The following ADH6 variants were observed in gnomAD, a reference collection of about 807,000 sequenced individuals.
ADH6 encodes the protein alcohol dehydrogenase 6 (class V), also known as alcohol dehydrogenase 6.
Under a neutral mutation model 36.5 loss-of-function variants are expected in ADH6, and 34 were observed. The ratio of observed to expected loss-of-function variants is 0.93; its 90% CI spans 0.71 to 1.24. The LOEUF (loss-of-function observed/expected upper bound fraction) is 1.24, where lower values mean the gene tolerates loss of function less well. Among genes scored for constraint, ADH6 ranks in the 50% most tolerant of loss-of-function variants. ADH6 has a pLI of 0.00. For missense variants in ADH6, 440 were observed against 447.0 expected (o/e 0.98, Z 0.14); for synonymous variants, 161 against 155.5 (o/e 1.04, Z -0.26).
Position 99,204,262 on chromosome 4 carries a change from G to T in ADH6, c.1104-19C>A. 1 of 1,596,872 alleles carries T rather than the reference G, an allele frequency of 6.3e-7. No homozygotes were observed. The highest frequency in any genetic ancestry group is 8.5e-7 in the Non-Finnish European group (1 of 1,177,660). On this transcript the variant is annotated intron_variant, in intron 8 of 8. Coordinates refer to ENST00000394899, the MANE Select transcript of ADH6 (RefSeq NM_001102470.2). ...GCGGATACTGAAAAAAAGAAGAAGA[G>T]AAAAAAGGTTGGAACATTTTTAGAG...
At chr4:99,204,872 C>A in intron 8 of ADH6, 53 bp downstream of exon 8, 1 of 1,555,394 alleles carries the variant, frequency 6.4e-7, no homozygotes, top group Non-Finnish European at 8.7e-7. Context: ...AGCCAATACA[C>A]CCTTTCTCTT....
chr4:99,206,351 A>AGAGT (rs1731034091), intron 7 of ADH6, among the ~76,000 whole-genome samples: 1 of 152,116 alleles, frequency 6.6e-6, no homozygotes, highest in Non-Finnish European at 1.5e-5. Context: ...TATGAGTGCT[A>AGAGT]GAGTGGCCAG....
In ADH6 at chr4:99,204,587, TGAAC is replaced by T. The variant is rs1730953391; in HGVS notation, c.1103+334_1103+337del. On this transcript the variant is annotated intron_variant, in intron 8 of 8. Coordinates refer to ENST00000394899, the MANE Select transcript of ADH6 (RefSeq NM_001102470.2). Reference sequence around the variant, plus strand: ...AACAAATACAACAATGGCCTATTTGTGAACTACCTTCTTATGTTTTTAAACTTGA... The same window carrying T: ...AACAAATACAACAATGGCCTATTTGTTACCTTCTTATGTTTTTAAACTTGA... 5.1e-6 allele frequency: 6 copies of T among 1,185,668 alleles called. No homozygotes were observed. The African/African-American group carries it at 9.5e-5, about 19-fold the overall frequency. 73.4% of individuals were successfully genotyped at this position (1,185,668 alleles called of 1,614,324 possible).
chr4:99,217,525 C>T (rs1422407922), intron 1 of ADH6, among the ~76,000 whole-genome samples: 1 of 152,122 alleles, frequency 6.6e-6, no homozygotes, highest in Non-Finnish European at 1.5e-5. Context: ...CAGTTCTATC[C>T]CTGTTGCTGC....
intron 3 of ADH6, among the ~76,000 whole-genome samples, chr4:99,211,158 AT>A (rs1410990524): frequency 1.3e-5 from 2 of 152,022 alleles, no homozygotes; most frequent in Admixed American, 1.3e-4. Context: ...ATTTATTTTT[AT>A]TTTTTTAAAA....
At chr4:99,217,048 G>A (rs565011576) in intron 1 of ADH6, among the ~76,000 whole-genome samples, 21 of 151,848 alleles carry the variant, frequency 1.4e-4, no homozygotes, top group Non-Finnish European at 2.8e-4. Flanking sequence ...TTTTGTTTTT[G>A]TTTTTGAGAT....
In ADH6 at chr4:99,202,817, G is replaced by C; in HGVS notation, c.*1402C>G. On this transcript the variant is annotated 3_prime_UTR_variant, in exon 9 of 9. Transcript: ENST00000394899. ...TTAGCTGCTGTCAGGAAATAGAAGA[G>C]CAGAGCAGAGTTGGGCATGGAGGCT... is the stretch of plus-strand genomic sequence containing the variant. 1 of 398,066 alleles carries C rather than the reference G, an allele frequency of 2.5e-6. No homozygotes were observed. Among genetic ancestry groups the C allele is most frequent in the Non-Finnish European group, 4.4e-6 (1 of 225,648 alleles). 24.7% of individuals were successfully genotyped at this position (398,066 alleles called of 1,614,324 possible).
At chr4:99,209,648 T>G (rs576832114) in intron 5 of ADH6, among the ~76,000 whole-genome samples, 1 of 152,282 alleles carries the variant, frequency 6.6e-6, no homozygotes, top group Non-Finnish European at 1.5e-5. Flanking sequence ...TTCTTTTTAT[T>G]AGCATTTATC....
chr4:99,213,484 A>G (rs1731296742), intron 3 of ADH6, 122 bp downstream of exon 3: 1 of 895,118 alleles, frequency 1.1e-6, no homozygotes, highest in Non-Finnish European at 1.6e-6. Context: ...TACTTTTCTA[A>G]GAAGTTGGAA....
At chr4:99,204,420 G>T in intron 8 of ADH6, 177 bp from the exon 9 acceptor site, 1 of 1,406,356 alleles carries the variant, frequency 7.1e-7, no homozygotes. Flanking sequence ...AAACTCCAAG[G>T]GTAAAAAGTA....
chr4:99,211,427 T>G (rs1731222297), intron 3 of ADH6, among the ~76,000 whole-genome samples: 1 of 152,158 alleles, frequency 6.6e-6, no homozygotes, highest in African/African-American at 2.4e-5. Flanking sequence ...CCATGAACAC[T>G]GATAGATATT....
chr4:99,209,175 C>G (rs912187281), intron 5 of ADH6, among the ~76,000 whole-genome samples: 1 of 152,142 alleles, frequency 6.6e-6, no homozygotes. Context: ...AGGAATTAGT[C>G]TGAGTAGTAG....
chr4:99,219,221 A>G lies in ADH6; in HGVS notation c.-69T>C. ...TCCTGTAGCAACTTTCACTGTAGAA[A>G]GTACAAAGGTACACAGGCGACTGGT... On this transcript the variant is annotated 5_prime_UTR_variant, in exon 1 of 9. Transcript: ENST00000394899. 1 of 1,449,944 alleles carries G rather than the reference A, an allele frequency of 6.9e-7. No homozygotes were observed. Among genetic ancestry groups the G allele is most frequent in the Admixed American group, 1.7e-5 (1 of 59,508 alleles). 89.8% of individuals were successfully genotyped at this position (1,449,944 alleles called of 1,614,324 possible).
At chr4:99,213,533 A>C in intron 3 of ADH6, 73 bp downstream of exon 3, 1 of 1,384,400 alleles carries the variant, frequency 7.2e-7, no homozygotes, top group Non-Finnish European at 9.6e-7. Flanking sequence ...TGACATACTT[A>C]AGGGGTGCTT....
chr4:99,204,190 CT>C lies in ADH6; in HGVS notation c.*28del. Reference sequence around the variant, plus strand: ...AATGCCATTGAGTTGGTGAAATATCCTTTGGGTCTTGCATGTATTACATTGT... The same window carrying C: ...AATGCCATTGAGTTGGTGAAATATCCTTGGGTCTTGCATGTATTACATTGT... On this transcript the variant is annotated 3_prime_UTR_variant, in exon 9 of 9. Coordinates refer to ENST00000394899, the MANE Select transcript of ADH6 (RefSeq NM_001102470.2). The C allele has an allele frequency of 6.3e-7, 1 of 1,588,880 alleles. No homozygotes were observed.
chr4:99,217,737 GGGATTGCA>G (rs1455113637), intron 1 of ADH6, among the ~76,000 whole-genome samples: 1 of 152,148 alleles, frequency 6.6e-6, no homozygotes, highest in African/African-American at 2.4e-5. Flanking sequence ...ACCCAGTAGT[GGGATTGCA>G]GGTGTCATAC....
intron 3 of ADH6, 109 bp downstream of exon 3, chr4:99,213,497 A>C (rs1283938595): frequency 9.2e-7 from 1 of 1,092,858 alleles, no homozygotes; most frequent in Admixed American, 2.8e-5. Flanking sequence ...AGTTGGAAAC[A>C]TTTCACCTTT....
chr4:99,216,244 C>T lies in ADH6; in HGVS notation c.37G>A (p.Ala13Thr), dbSNP rs1174317678. Residue 13 changes from alanine to threonine, a missense_variant, in exon 2 of 9, where the codon GCC (alanine) becomes ACC (threonine). Physicochemically the swap from Ala to Thr is moderately conservative, Grantham distance 58. Coordinates refer to ENST00000394899, the MANE Select transcript of ADH6 (RefSeq NM_001102470.2). ...TTGQVIRCKA[A>T]ILWKPGAPFS... ...GGTGCACCAGGCTTCCAGAGTATGG[C>T]TGCTTTGCATCTGATGACCTGGGAA... 6.4e-7 allele frequency: 1 copy of T among 1,572,800 alleles called. No individual in the cohort carries two copies. The highest frequency in any genetic ancestry group is 8.6e-7 in the Non-Finnish European group (1 of 1,160,826).
chr4:99,213,780 G>T, intron 2 of ADH6, 33 bp from the exon 3 acceptor site: 1 of 1,527,346 alleles, frequency 6.5e-7, no homozygotes, highest in Non-Finnish European at 8.8e-7. Flanking sequence ...TGCAGTTCCC[G>T]CTGTTTCAGA....
Sources: allele counts gnomAD v4.1 joint callset (sites outside exome capture counted in the v4.1 genomes callset), GRCh38; gene constraint gnomAD v4.1.1; transcripts MANE v1.5; gene names NCBI Gene and HGNC (gene_info 2026-07-23, HGNC 2026-07-21).